HYCC1: variants seen among roughly 807,000 people sequenced by gnomAD.
HYCC1 encodes the protein hyccin PI4KA lipid kinase complex subunit 1.
chr7:22,940,236 G>GTTTTTTTTTTTTTTTTTTTTTTTTTT, the HYCC1 span: 2 of 87,174 alleles, frequency 2.3e-5, 1 homozygote, highest in African/African-American at 1.0e-4. Flanking sequence ...AATAGGTTCT[G>GTTTTTTTTTTTTTTTTTTTTTTTTTT]TTTTTTTTTT....
the HYCC1 span, chr7:22,978,079 G>A: frequency 1.6e-6 from 1 of 615,898 alleles, no homozygotes; most frequent in Non-Finnish European, 2.9e-6. Context: ...ATCCATAAAG[G>A]TAAGTTACAT....
At chr7:22,983,466 GTATAC>G in the HYCC1 span, among the ~76,000 whole-genome samples, 4 of 152,144 alleles carry the variant, frequency 2.6e-5, no homozygotes, top group African/African-American at 9.7e-5. Flanking sequence ...CTGAGCCTCC[GTATAC>G]TATCCCCACT....
the HYCC1 span, chr7:22,976,665 G>C: frequency 1.8e-3 from 2,429 of 1,331,614 alleles, 30 homozygotes; most frequent in African/African-American, 0.028. Context: ...AGTGGATTAA[G>C]ATAAGAATTT....
the HYCC1 span, among the ~76,000 whole-genome samples, chr7:22,924,725 C>T: frequency 2.2e-4 from 34 of 152,360 alleles, no homozygotes; most frequent in Middle Eastern, 3.4e-3. Flanking sequence ...TCAAGGAGGC[C>T]TGCCTGCCTC....
chr7:22,912,794 T>C, the HYCC1 span, among the ~76,000 whole-genome samples: 1 of 152,204 alleles, frequency 6.6e-6, no homozygotes, highest in Non-Finnish European at 1.5e-5. Context: ...AGCTAAAGCA[T>C]GTACCTGCTA....
the HYCC1 span, among the ~76,000 whole-genome samples, chr7:23,000,269 T>C: frequency 6.6e-6 from 1 of 152,058 alleles, no homozygotes; most frequent in Non-Finnish European, 1.5e-5. Context: ...TTCTGAAAAC[T>C]CTCTACTCTT....
chr7:22,912,813 A>C, the HYCC1 span, among the ~76,000 whole-genome samples: 788 of 152,306 alleles, frequency 5.2e-3, 3 homozygotes, highest in Non-Finnish European at 6.2e-3. Flanking sequence ...TATTTCACCA[A>C]AGAGAACCAA....
the HYCC1 span, among the ~76,000 whole-genome samples, chr7:22,906,717 A>G: frequency 6.6e-6 from 1 of 152,202 alleles, no homozygotes; most frequent in African/African-American, 2.4e-5. Context: ...TTTTAAATAT[A>G]TAAGGTTAGT....
chr7:22,996,973 A>T, the HYCC1 span, among the ~76,000 whole-genome samples: 1 of 152,208 alleles, frequency 6.6e-6, no homozygotes, highest in Non-Finnish European at 1.5e-5. Context: ...CTGCTGTGTA[A>T]CTAACTTCCT....
chr7:22,939,778 T>C, the HYCC1 span: 2 of 152,174 alleles, frequency 1.3e-5, no homozygotes, highest in African/African-American at 4.8e-5. Context: ...CTTAGCCAAG[T>C]CCTCTACCCT....
At chr7:22,958,664 G>A in the HYCC1 span, among the ~76,000 whole-genome samples, 1 of 151,960 alleles carries the variant, frequency 6.6e-6, no homozygotes, top group African/African-American at 2.4e-5. Context: ...AATATGTCTG[G>A]GAAATGGCTT....
chr7:22,978,209 G>T, the HYCC1 span: 1 of 1,459,650 alleles, frequency 6.9e-7, no homozygotes, highest in African/African-American at 1.4e-5. Context: ...AAAAGCAGTT[G>T]CACAGGTTAT....
chr7:22,943,784 T>C, the HYCC1 span: 1 of 152,622 alleles, frequency 6.6e-6, no homozygotes, highest in Non-Finnish European at 1.5e-5. Context: ...AGGGTTCCTA[T>C]TAAGTTAATA....
chr7:22,905,400 T>TA, the HYCC1 span, among the ~76,000 whole-genome samples: 1 of 142,458 alleles, frequency 7.0e-6, no homozygotes, highest in East Asian at 2.1e-4. Flanking sequence ...TTTTTTTTTT[T>TA]TTTTTTTTTT....
At chr7:22,978,544 C>A in the HYCC1 span, 2,019 of 1,048,616 alleles carry the variant, frequency 1.9e-3, 3 homozygotes, top group Non-Finnish European at 2.6e-3. Flanking sequence ...TGGTAAAAAT[C>A]ATATCTTTTT....
chr7:22,941,946 T>C, the HYCC1 span: 1 of 152,182 alleles, frequency 6.6e-6, no homozygotes, highest in Admixed American at 6.5e-5. Flanking sequence ...TTTTAAGTGG[T>C]TTTTAAAAAA....
chr7:23,002,601 T>A, the HYCC1 span, among the ~76,000 whole-genome samples: 7 of 152,146 alleles, frequency 4.6e-5, no homozygotes, highest in Admixed American at 1.3e-4. Flanking sequence ...ACTTTCTTCA[T>A]TAAGCTATCC....
the HYCC1 span, among the ~76,000 whole-genome samples, chr7:22,962,539 C>T: frequency 1.2e-4 from 18 of 151,610 alleles, no homozygotes; most frequent in African/African-American, 4.4e-4. Flanking sequence ...CTTTCACCCC[C>T]CAGCGAACAA....
At chr7:22,904,428 C>T in the HYCC1 span, among the ~76,000 whole-genome samples, 3 of 80,924 alleles carry the variant, frequency 3.7e-5, no homozygotes, top group African/African-American at 1.3e-4. Context: ...GAGACTCTGT[C>T]TCAAAAAAAA....
Sources: allele counts gnomAD v4.1 joint callset (sites outside exome capture counted in the v4.1 genomes callset), GRCh38; gene constraint gnomAD v4.1.1; transcripts MANE v1.5; gene names NCBI Gene and HGNC (gene_info 2026-07-23, HGNC 2026-07-21).